GAB2: variants seen among roughly 807,000 people sequenced by gnomAD.
GAB2 encodes GRB2 associated binding protein 2, also known as GRB2-associated-binding protein 2.
In GAB2, 26 loss-of-function variants were observed where a neutral mutation model predicts 65.5. The ratio of observed to expected loss-of-function variants is 0.40; its 90% CI spans 0.29 to 0.55. The LOEUF is 0.55. GAB2 is among the 20% of genes least tolerant of loss of function. The pLI, the probability that GAB2 is intolerant of heterozygous loss-of-function variation, is 0.53. For synonymous variants in GAB2, 321 were observed against 329.6 expected (o/e 0.97, Z 0.28); for missense variants, 884 against 875.8 (o/e 1.01, Z -0.12).
chr11:78,230,381 A>C (rs1198008734), intron 3 of GAB2, among the ~76,000 whole-genome samples: 1 of 152,190 alleles, frequency 6.6e-6, no homozygotes, highest in Admixed American at 6.5e-5. Flanking sequence ...CTCCCTGTGG[A>C]ACGCTTCCTT....
At chr11:78,271,674 TTA>T (rs1385957635) in intron 2 of GAB2, among the ~76,000 whole-genome samples, 1 of 152,230 alleles carries the variant, frequency 6.6e-6, no homozygotes, top group African/African-American at 2.4e-5. Context: ...ATGTAAGTTT[TTA>T]TATGAGTCCT....
At chr11:78,345,737 G>A (rs1856169570) in intron 1 of GAB2, among the ~76,000 whole-genome samples, 1 of 152,148 alleles carries the variant, frequency 6.6e-6, no homozygotes, top group African/African-American at 2.4e-5. Context: ...GGAGGCAGAG[G>A]CCAGCAGCCC....
At chr11:78,353,592 ATCTG>A (rs1856313882) in intron 1 of GAB2, among the ~76,000 whole-genome samples, 4 of 152,362 alleles carry the variant, frequency 2.6e-5, no homozygotes, top group Admixed American at 2.6e-4. Flanking sequence ...AAATGTTTAC[ATCTG>A]TGCTGTCCAG....
intron 1 of GAB2, among the ~76,000 whole-genome samples, chr11:78,282,852 T>C (rs1438309070): frequency 6.6e-6 from 1 of 152,202 alleles, no homozygotes; most frequent in Non-Finnish European, 1.5e-5. Context: ...CTTTCATCCC[T>C]GTCCTCTTTT....
chr11:78,279,951 G>C (rs1866286142), intron 2 of GAB2, among the ~76,000 whole-genome samples: 3 of 152,138 alleles, frequency 2.0e-5, no homozygotes, highest in African/African-American at 7.2e-5. Context: ...AAAAAACTCT[G>C]CTCTTCAACC....
rs772941154 is a variant in GAB2 at position 78,219,360 on chromosome 11, T to C, written c.1943A>G (p.Lys648Arg). 10 of 1,613,788 alleles carry C rather than the reference T, an allele frequency of 6.2e-6. No individual in the cohort carries two copies. The South Asian group carries it at 1.1e-4, about 18-fold the overall frequency. Reference protein sequence around the residue: ...DEKVDYVQVDKEKTQALQNTM... With the variant: ...DEKVDYVQVDREKTQALQNTM... ...GTTCTGCAGGGCCTGGGTCTTCTCC[T>C]TGTCCACCTGAACGTAGTCCACCTT... The change falls in exon 10 of 10, where the codon AAG (lysine) becomes AGG (arginine). Residue 648 changes from lysine (K) to arginine (R), a missense_variant. Coordinates refer to ENST00000361507, the MANE Select transcript of GAB2 (RefSeq NM_080491.3).
chr11:78,300,955 A>G (rs1867002222), intron 1 of GAB2, among the ~76,000 whole-genome samples: 1 of 152,236 alleles, frequency 6.6e-6, no homozygotes, highest in African/African-American at 2.4e-5. Context: ...TTGGCCTCCC[A>G]AAGTGCTGGG....
chr11:78,403,600 G>C (rs1409242113), intron 1 of GAB2, among the ~76,000 whole-genome samples: 5 of 152,132 alleles, frequency 3.3e-5, no homozygotes, highest in Non-Finnish European at 5.9e-5. Context: ...AATGGATTAA[G>C]GACTTAAATA....
At chr11:78,355,766 G>C (rs766664141) in intron 1 of GAB2, among the ~76,000 whole-genome samples, 17 of 142,630 alleles carry the variant, frequency 1.2e-4, no homozygotes, top group Non-Finnish European at 2.4e-4. Context: ...GTACACAGAA[G>C]TACCAAGTAT....
At chr11:78,336,605 C>T (rs149586017) in intron 1 of GAB2, among the ~76,000 whole-genome samples, 334 of 151,650 alleles carry the variant, frequency 2.2e-3, no homozygotes, top group African/African-American at 7.8e-3. Flanking sequence ...TCTCTAAAAC[C>T]TTGGTAAAGT....
rs901103 is a variant in GAB2 at position 78,220,300 on chromosome 11, C to G, written c.1887+19G>C. The G allele has an allele frequency of 2.6e-5, 42 of 1,611,218 alleles. No homozygotes were observed. The highest frequency in any genetic ancestry group is 1.7e-4 in the Admixed American group (10 of 59,878). Reference sequence around the variant, plus strand: ...GACCCTGAGAGCTCTTACTGCCCCCCCAACTCTACTCCAGGCACCTTGCGG... The same window carrying G: ...GACCCTGAGAGCTCTTACTGCCCCCGCAACTCTACTCCAGGCACCTTGCGG... On this transcript the variant is annotated intron_variant, in intron 9 of 9. Coordinates refer to ENST00000361507, the MANE Select transcript of GAB2 (RefSeq NM_080491.3).
In GAB2 at chr11:78,276,348, C is replaced by T. The variant is rs753861835; in HGVS notation, c.376+4253G>A. Among the ~76,000 whole-genome samples, 13 of 152,088 alleles carry T rather than the reference C, an allele frequency of 8.5e-5. 1 individual carries two copies. The highest frequency in any genetic ancestry group is 3.9e-4 in the Admixed American group (6 of 15,288). On this transcript the variant is annotated intron_variant, in intron 2 of 9. Transcript: ENST00000361507. ...GCAGTCTTGAACTCCTGGGCTCAAG[C>T]GATCTTCCTGTCTTAGCCTCCCAAA...
At chr11:78,358,450 T>TAAC (rs1266382941) in intron 1 of GAB2, among the ~76,000 whole-genome samples, 1 of 122,102 alleles carries the variant, frequency 8.2e-6, no homozygotes, top group Non-Finnish European at 1.7e-5. Flanking sequence ...ATAATAATAA[T>TAAC]AATAATAATA....
chr11:78,219,162 G>T lies in GAB2; in HGVS notation c.*110C>A. On this transcript the variant is annotated 3_prime_UTR_variant, in exon 10 of 10. Transcript: ENST00000361507. ...GTCAAGTGCTTTGAAGGCTGAGACTGGCAGAGTAGAGAGGAGGTGGATGGG... is the reference window on the plus strand; with the variant it reads ...GTCAAGTGCTTTGAAGGCTGAGACTTGCAGAGTAGAGAGGAGGTGGATGGG... 1 of 1,043,012 alleles carries T rather than the reference G, an allele frequency of 9.6e-7. No homozygotes were observed. Among genetic ancestry groups the T allele is most frequent in the Non-Finnish European group, 1.4e-6 (1 of 703,566 alleles). The allele number at this position is 1,043,012 out of a possible 1,614,324, so 64.6% of individuals were successfully genotyped here.
chr11:78,297,523 G>T (rs910911854), intron 1 of GAB2, among the ~76,000 whole-genome samples: 3 of 152,066 alleles, frequency 2.0e-5, no homozygotes, highest in African/African-American at 7.2e-5. Flanking sequence ...TCCATCATAT[G>T]GGAACTACTG....
At chr11:78,229,114 C>T (rs535307364) in intron 3 of GAB2, among the ~76,000 whole-genome samples, 1 of 152,284 alleles carries the variant, frequency 6.6e-6, no homozygotes, top group South Asian at 2.1e-4. Context: ...GAGTATGTAG[C>T]TGCTGACAGT....
intron 1 of GAB2, among the ~76,000 whole-genome samples, chr11:78,385,324 T>C (rs976007190): frequency 2.0e-5 from 3 of 152,086 alleles, no homozygotes; most frequent in African/African-American, 7.2e-5. Context: ...TGTGGGAAAA[T>C]CTTCAGAGTT....
intron 1 of GAB2, among the ~76,000 whole-genome samples, chr11:78,381,298 A>C (rs1233910118): frequency 6.6e-6 from 1 of 152,174 alleles, no homozygotes; most frequent in African/African-American, 2.4e-5. Flanking sequence ...TGGGAATCTA[A>C]CTTTAGGTTT....
chr11:78,365,053 G>C (rs1856480051), intron 1 of GAB2, among the ~76,000 whole-genome samples: 1 of 152,112 alleles, frequency 6.6e-6, no homozygotes, highest in Admixed American at 6.6e-5. Flanking sequence ...ATCTTTAGTG[G>C]TGACTTCTGA....
Sources: gnomAD v4.1 joint callset for allele counts (sites outside exome capture counted in the v4.1 genomes callset) on GRCh38, gnomAD v4.1.1 for gene constraint, MANE v1.5 for transcripts, NCBI Gene and HGNC (gene_info 2026-07-23, HGNC 2026-07-21) for gene names.